The following DCT variants were observed in gnomAD, a reference collection of about 807,000 sequenced individuals.
The protein encoded by DCT is dopachrome tautomerase.
Under a neutral mutation model 53.0 loss-of-function variants are expected in DCT, and 47 were observed. That is an observed-to-expected ratio of 0.89 (90% CI 0.70 to 1.13). The LOEUF is 1.13. DCT is among the 50% of genes most tolerant of loss of function. The pLI is 0.00. For synonymous variants in DCT, 244 were observed against 237.0 expected (o/e 1.03, Z -0.27); for missense variants, 669 against 637.4 (o/e 1.05, Z -0.53).
the DCT span, among the ~76,000 whole-genome samples, chr13:94,537,537 T>G: frequency 2.0e-5 from 3 of 152,214 alleles, no homozygotes; most frequent in African/African-American, 7.2e-5. Context: ...CTTTTTGAAG[T>G]ACTAACAAAG....
chr13:94,459,997 G>A (rs1883672661), intron 6 of DCT, 94 bp downstream of exon 6: 3 of 1,294,154 alleles, frequency 2.3e-6, no homozygotes, highest in Non-Finnish European at 3.3e-6. Context: ...TGTTCACACA[G>A]AGAATAAAAC....
At chr13:94,450,307 C>T (rs1183003901) in intron 6 of DCT, among the ~76,000 whole-genome samples, 1 of 151,950 alleles carries the variant, frequency 6.6e-6, no homozygotes, top group Non-Finnish European at 1.5e-5. Context: ...AGGACACAAC[C>T]ACGGAAGAGA....
intron 6 of DCT, among the ~76,000 whole-genome samples, chr13:94,446,273 C>G (rs1882725812): frequency 6.6e-6 from 1 of 152,182 alleles, no homozygotes; most frequent in East Asian, 1.9e-4. Flanking sequence ...AATGGTTATT[C>G]AATGGTTGTT....
the DCT span, among the ~76,000 whole-genome samples, chr13:94,506,133 C>T: frequency 6.6e-6 from 1 of 152,158 alleles, no homozygotes; most frequent in African/African-American, 2.4e-5. Flanking sequence ...TCAGAAATCA[C>T]GTATAGTTTG....
rs775505885 is a variant in DCT, at chr13:94,479,400, A to G, written c.-145T>C. The G allele has an allele frequency of 3.8e-6, 3 of 780,796 alleles. No homozygotes were observed. Among genetic ancestry groups the G allele is most frequent in the Non-Finnish European group, 4.0e-6 (2 of 503,694 alleles). 48.4% of individuals were successfully genotyped at this position (780,796 alleles called of 1,614,324 possible). ...TCTATTCCTTTCTTCTTAAAAAAAT[A>G]CCCACAAGAATCACAGAGGTTACAT... is the stretch of plus-strand genomic sequence containing the variant. On this transcript the variant is annotated 5_prime_UTR_variant, in exon 1 of 8. Coordinates refer to ENST00000377028, the MANE Select transcript of DCT (RefSeq NM_001922.5).
chr13:94,484,964 G>C, the DCT span, among the ~76,000 whole-genome samples: 2 of 152,222 alleles, frequency 1.3e-5, no homozygotes, highest in East Asian at 3.9e-4. Context: ...TAAGCAATGG[G>C]ATTTCTCTCA....
At chr13:94,515,322 A>G in the DCT span, among the ~76,000 whole-genome samples, 4 of 152,244 alleles carry the variant, frequency 2.6e-5, no homozygotes, top group Admixed American at 1.3e-4. Context: ...TAACCCAAGT[A>G]CTAAATAAAC....
the DCT span, among the ~76,000 whole-genome samples, chr13:94,541,964 T>A: frequency 4.4e-4 from 67 of 152,344 alleles, no homozygotes; most frequent in Non-Finnish European, 9.0e-4. Flanking sequence ...ATCATTTGCC[T>A]TCATACAGGT....
intron 6 of DCT, among the ~76,000 whole-genome samples, chr13:94,455,465 C>T (rs530054299): frequency 1.1e-4 from 16 of 151,728 alleles, no homozygotes; most frequent in Admixed American, 3.9e-4. Flanking sequence ...GAATCCTTTA[C>T]ACCACAGGTT....
At chr13:94,466,394 A>G (rs988744352) in intron 3 of DCT, among the ~76,000 whole-genome samples, 164 bp downstream of exon 3, 2 of 152,170 alleles carry the variant, frequency 1.3e-5, no homozygotes, top group East Asian at 1.9e-4. Context: ...ACAAAAAGAG[A>G]TATCTCTATG....
chr13:94,442,947 T>C (rs1405667217), intron 7 of DCT, among the ~76,000 whole-genome samples: 2 of 152,228 alleles, frequency 1.3e-5, no homozygotes, highest in Non-Finnish European at 2.9e-5. Context: ...CCTTGATTAC[T>C]GAGTTTTCTG....
rs201692579 is a variant in DCT at position 94,462,177 on chromosome 13, G to A, written c.876C>T (p.Tyr292=). 2.5e-6 allele frequency: 4 copies of A among 1,611,808 alleles called. No homozygotes were observed. Among genetic ancestry groups the A allele is most frequent in the East Asian group, 2.2e-5 (1 of 44,876 alleles). ...WETVCDSLDD[Y]NHLVTLCNGT... ...CATTGCACAAGGTGACCAGGTGGTT[G>A]TAGTCATCCAAGCTAAGATTTGTAA... Residue 292 remains tyrosine, a synonymous_variant, in exon 5 of 8, where the codon TAC becomes TAT. Transcript: ENST00000377028.
At chr13:94,468,614 G>A in intron 2 of DCT, 132 bp downstream of exon 2, 2 of 803,060 alleles carry the variant, frequency 2.5e-6, no homozygotes, top group Non-Finnish European at 4.0e-6. Flanking sequence ...ATAATTCTAC[G>A]ACTTTCATAA....
the DCT span, among the ~76,000 whole-genome samples, chr13:94,521,569 C>T: frequency 6.6e-6 from 1 of 152,142 alleles, no homozygotes; most frequent in Non-Finnish European, 1.5e-5. Context: ...ACTCGAGAGG[C>T]TGAAGCAGGA....
chr13:94,520,648 AAGAGGTAAATACAG>A, the DCT span, among the ~76,000 whole-genome samples: 11 of 152,204 alleles, frequency 7.2e-5, no homozygotes, highest in African/African-American at 2.2e-4. Flanking sequence ...TCTCTCTAAA[AAGAGGTAAATACAG>A]AGGCTTTAAG....
At chr13:94,440,182 A>G in intron 7 of DCT, 106 bp from the exon 8 acceptor site, 1 of 778,714 alleles carries the variant, frequency 1.3e-6, no homozygotes, top group South Asian at 1.9e-5. Context: ...TTTGTTGATA[A>G]AGCAAAACTA....
At chr13:94,487,160 G>A in the DCT span, among the ~76,000 whole-genome samples, 1 of 152,166 alleles carries the variant, frequency 6.6e-6, no homozygotes, top group Non-Finnish European at 1.5e-5. Context: ...ATATCTCATG[G>A]GTGTATTGAG....
chr13:94,512,170 A>G, the DCT span, among the ~76,000 whole-genome samples: 2 of 152,178 alleles, frequency 1.3e-5, no homozygotes, highest in African/African-American at 4.8e-5. Flanking sequence ...AACGATAATA[A>G]CAATGTTAAT....
chr13:94,524,572 T>G, the DCT span, among the ~76,000 whole-genome samples: 1 of 152,210 alleles, frequency 6.6e-6, no homozygotes, highest in Non-Finnish European at 1.5e-5. Flanking sequence ...TGCTGGCTGC[T>G]TTGTGATTCT....
Sources: allele counts gnomAD v4.1 joint callset (sites outside exome capture counted in the v4.1 genomes callset), GRCh38; gene constraint gnomAD v4.1.1; transcripts MANE v1.5; gene names NCBI Gene and HGNC (gene_info 2026-07-23, HGNC 2026-07-21).